STRN: variants seen among roughly 807,000 people sequenced by gnomAD.
STRN encodes the protein protein phosphatase 2 regulatory subunit B'''alpha.
A neutral mutation model predicts 96.3 loss-of-function variants in STRN; 53 were observed. The observed-to-expected ratio is 0.55, with a 90% CI of 0.44 to 0.69. The LOEUF is 0.69. Among genes scored for constraint, STRN ranks in the 30% least tolerant of loss-of-function variants. The probability of loss-of-function intolerance (pLI) is 0.00; values close to 1 mark genes in which losing one functional copy is unlikely to be tolerated. For missense variants in STRN, 987 were observed against 963.9 expected (o/e 1.02, Z -0.32); for synonymous variants, 428 against 355.9 (o/e 1.20, Z -2.28).
At chr2:36,871,223 T>A (rs1051403606) in intron 10 of STRN, among the ~76,000 whole-genome samples, 3 of 152,216 alleles carry the variant, frequency 2.0e-5, no homozygotes, top group African/African-American at 7.2e-5. Flanking sequence ...AATGGTAGTG[T>A]ACAGTAATGT....
intron 9 of STRN, among the ~76,000 whole-genome samples, chr2:36,882,423 G>C (rs915448212): frequency 6.6e-6 from 1 of 152,132 alleles, no homozygotes; most frequent in Non-Finnish European, 1.5e-5. Context: ...ACCCAGGCTG[G>C]AGTGCAGTAG....
At chr2:36,921,139 C>T (rs939818106) in intron 2 of STRN, among the ~76,000 whole-genome samples, 2 of 152,058 alleles carry the variant, frequency 1.3e-5, no homozygotes, top group Non-Finnish European at 2.9e-5. Flanking sequence ...TCTCAGCCCT[C>T]GATCCTCTGT....
At chr2:36,944,301 C>T (rs995208541) in intron 1 of STRN, among the ~76,000 whole-genome samples, 2 of 152,082 alleles carry the variant, frequency 1.3e-5, no homozygotes, top group Admixed American at 1.3e-4. Context: ...AGTTCATACA[C>T]TGTTGATTTT....
chr2:36,882,210 A>T (rs1170377168), intron 9 of STRN, among the ~76,000 whole-genome samples: 1 of 152,168 alleles, frequency 6.6e-6, no homozygotes, highest in Non-Finnish European at 1.5e-5. Flanking sequence ...AAAAAAACAT[A>T]TGATTATGCT....
At chr2:36,879,632 G>C (rs531077660) in intron 9 of STRN, among the ~76,000 whole-genome samples, 1 of 152,160 alleles carries the variant, frequency 6.6e-6, no homozygotes, top group Non-Finnish European at 1.5e-5. Flanking sequence ...GTCAGAGATA[G>C]TCTTTGAGTA....
At chr2:36,917,012 G>C (rs1471702488) in intron 2 of STRN, among the ~76,000 whole-genome samples, 1 of 147,918 alleles carries the variant, frequency 6.8e-6, no homozygotes, top group Non-Finnish European at 1.5e-5. Context: ...GTTAAGACTG[G>C]GACTCTGTGA....
intron 1 of STRN, among the ~76,000 whole-genome samples, chr2:36,948,118 T>G (rs964466103): frequency 3.6e-5 from 3 of 82,810 alleles, no homozygotes; most frequent in African/African-American, 4.8e-5. Context: ...TTTTTTTTTT[T>G]TGTGACAGAG....
rs1448296514 is a variant in STRN at position 36,844,568 on chromosome 2, T to A, written c.*4888A>T. The A allele has an allele frequency of 6.6e-6, 1 of 152,096 alleles. No homozygotes were observed. Among genetic ancestry groups the A allele is most frequent in the African/African-American group, 2.4e-5 (1 of 41,422 alleles). The allele number at this position is 152,096 out of a possible 1,614,324, so 9.4% of individuals were successfully genotyped here. A position where few individuals can be genotyped will look rare whatever the true frequency, so the allele number is the denominator to read the frequency against. On this transcript the variant is annotated 3_prime_UTR_variant, in exon 18 of 18. Transcript: ENST00000263918. ...GTCCTGGTTAAATTAAATCTAAAGC[T>A]TGGATTAGCAAAGATCCAGAAAATT...
At chr2:36,957,710 G>A (rs1450944103) in intron 1 of STRN, among the ~76,000 whole-genome samples, 6 of 147,774 alleles carry the variant, frequency 4.1e-5, no homozygotes, top group African/African-American at 7.4e-5. Flanking sequence ...CTTTATTTGA[G>A]AGCTCAGATT....
chr2:36,896,734 TC>T (rs1438929137), intron 6 of STRN, among the ~76,000 whole-genome samples: 3 of 152,178 alleles, frequency 2.0e-5, no homozygotes, highest in Admixed American at 6.5e-5. Context: ...CTCCTAAAGT[TC>T]CTGAATGTGG....
intron 13 of STRN, among the ~76,000 whole-genome samples, chr2:36,858,636 C>T (rs1668408079): frequency 6.6e-6 from 1 of 152,152 alleles, no homozygotes; most frequent in Non-Finnish European, 1.5e-5. Context: ...TGATAAAAGT[C>T]AAATTGGAAA....
rs1670376132 is a variant in STRN, at chr2:36,925,161, C to T, written c.282G>A (p.Leu94=). 2 of 1,613,932 alleles carry T rather than the reference C, an allele frequency of 1.2e-6. No homozygotes were observed. Among genetic ancestry groups the T allele is most frequent in the East Asian group, 2.2e-5 (1 of 44,876 alleles). The change falls in exon 2 of 18, where the codon TTG becomes TTA. Residue 94 remains leucine, a synonymous_variant. Transcript: ENST00000263918. ...LQGERKGQEN[L]KKDLVRRIKM... ...TGATCCTCCTCACAAGATCCTTCTTCAAATTTTCTTGGCCCTTCCTTTCTC... is the reference window on the plus strand; with the variant it reads ...TGATCCTCCTCACAAGATCCTTCTTTAAATTTTCTTGGCCCTTCCTTTCTC...
chr2:36,856,142 T>C (rs375702312), intron 14 of STRN, among the ~76,000 whole-genome samples: 1 of 152,180 alleles, frequency 6.6e-6, no homozygotes, highest in African/African-American at 2.4e-5. Context: ...CCAGAATGGC[T>C]AAAGTTAAAC....
intron 12 of STRN, chr2:36,867,558 C>T (rs776393116): frequency 2.3e-5 from 6 of 259,940 alleles, no homozygotes; most frequent in Non-Finnish European, 3.6e-5. Flanking sequence ...AATATTTAAA[C>T]CTAGTTGGCT....
At chr2:36,930,398 C>G (rs1462119263) in intron 1 of STRN, among the ~76,000 whole-genome samples, 1 of 151,088 alleles carries the variant, frequency 6.6e-6, no homozygotes, top group East Asian at 1.9e-4. Flanking sequence ...TGCCACTGCA[C>G]TCCAGAATGG....
chr2:36,895,501 G>A (rs1669515083), intron 6 of STRN, among the ~76,000 whole-genome samples: 1 of 152,078 alleles, frequency 6.6e-6, no homozygotes, highest in Non-Finnish European at 1.5e-5. Context: ...AAAAAAGCAA[G>A]ATCAGTGTGG....
At chr2:36,856,483 C>T (rs1428424642) in intron 14 of STRN, among the ~76,000 whole-genome samples, 1 of 152,084 alleles carries the variant, frequency 6.6e-6, no homozygotes, top group East Asian at 1.9e-4. Flanking sequence ...TGATATAACA[C>T]AAATGAATTT....
At chr2:36,949,954 A>T (rs1424350141) in intron 1 of STRN, among the ~76,000 whole-genome samples, 1 of 152,174 alleles carries the variant, frequency 6.6e-6, no homozygotes, top group Non-Finnish European at 1.5e-5. Flanking sequence ...TAATTTGGTA[A>T]TCAATTATCT....
intron 10 of STRN, among the ~76,000 whole-genome samples, chr2:36,872,196 T>C (rs2252032): frequency 0.42 from 63,287 of 152,174 alleles, 15,086 homozygotes; most frequent in Admixed American, 0.54. Flanking sequence ...GCAGAAGTGA[T>C]AACAAGTTGT....
Sources: allele counts gnomAD v4.1 joint callset (sites outside exome capture counted in the v4.1 genomes callset), GRCh38; gene constraint gnomAD v4.1.1; transcripts MANE v1.5; gene names NCBI Gene and HGNC (gene_info 2026-07-23, HGNC 2026-07-21).